SSU72: variants seen among roughly 807,000 people sequenced by gnomAD.
SSU72 encodes the protein RNA polymerase II subunit A C-terminal domain phosphatase SSU72.
Under a neutral mutation model 22.7 loss-of-function variants are expected in SSU72, and 12 were observed. That is an observed-to-expected ratio of 0.53 (90% CI 0.34 to 0.86). The LOEUF is 0.86. Ranked by LOEUF, SSU72 falls within the 40% of genes least tolerant of loss-of-function variation. SSU72 has a pLI of 0.02. For synonymous variants in SSU72, 116 were observed against 98.3 expected, an observed-to-expected ratio of 1.18 and a Z score of -1.06; for missense variants, 151 against 249.8, an observed-to-expected ratio of 0.60 and a Z score of 2.67.
chr1:1,550,197 T>C (rs1466755024), intron 2 of SSU72, among the ~76,000 whole-genome samples: 1 of 146,748 alleles, frequency 6.8e-6, no homozygotes, highest in Non-Finnish European at 1.5e-5. Context: ...AAAAAGTATA[T>C]ATATATATAT....
intron 1 of SSU72, among the ~76,000 whole-genome samples, chr1:1,567,301 G>A (rs1168402298): frequency 6.6e-6 from 1 of 152,202 alleles, no homozygotes; most frequent in Non-Finnish European, 1.5e-5. Flanking sequence ...GCTGATGACA[G>A]CTGCGTCAGT....
In SSU72 at chr1:1,564,935, G is replaced by A. The variant is rs1553132270; in HGVS notation, c.81-19C>T. The A allele has an allele frequency of 5.7e-6, 9 of 1,576,778 alleles. No individual in the cohort carries two copies. The highest frequency in any genetic ancestry group is 1.2e-5 in the South Asian group (1 of 84,658). Reference sequence around the variant, plus strand: ...CCGTTTGCTGAAAGACAAAAGGAGAGAAAGAATCACAGTCACACTAAGACA... The same window carrying A: ...CCGTTTGCTGAAAGACAAAAGGAGAAAAAGAATCACAGTCACACTAAGACA... On this transcript the variant is annotated intron_variant, in intron 1 of 4. Transcript: ENST00000291386.
intron 2 of SSU72, among the ~76,000 whole-genome samples, chr1:1,547,480 GGAGATGC>G (rs1642403794): frequency 6.6e-6 from 1 of 152,236 alleles, no homozygotes; most frequent in Non-Finnish European, 1.5e-5. Context: ...CTCCTGGCGA[GGAGATGC>G]GAGGTGAGGC....
intron 1 of SSU72, among the ~76,000 whole-genome samples, chr1:1,567,925 A>AAAAAAAAC (rs1642682054): frequency 6.6e-6 from 1 of 151,662 alleles, no homozygotes; most frequent in African/African-American, 2.4e-5. Flanking sequence ...AAAAAAAAAA[A>AAAAAAAAC]AAAATCGCAC....
intron 1 of SSU72, among the ~76,000 whole-genome samples, chr1:1,573,905 G>A (rs1245665546): frequency 1.3e-5 from 2 of 151,954 alleles, no homozygotes; most frequent in Non-Finnish European, 2.9e-5. Flanking sequence ...CGCTACGCAA[G>A]AGTCACAGGC....
chr1:1,566,519 T>C (rs764476615), intron 1 of SSU72, among the ~76,000 whole-genome samples: 6 of 152,112 alleles, frequency 3.9e-5, no homozygotes, highest in Non-Finnish European at 2.9e-5. Flanking sequence ...TGAGCAAGAA[T>C]GACACACAGA....
At chr1:1,559,026 TAG>T (rs1184130755) in intron 2 of SSU72, among the ~76,000 whole-genome samples, 3 of 151,474 alleles carry the variant, frequency 2.0e-5, no homozygotes, top group Admixed American at 2.0e-4. Context: ...TGAAAAAAAA[TAG>T]AGAAGCCTCT....
chr1:1,570,660 C>T (rs762062838), intron 1 of SSU72, among the ~76,000 whole-genome samples: 1 of 152,160 alleles, frequency 6.6e-6, no homozygotes, highest in Non-Finnish European at 1.5e-5. Flanking sequence ...AATAAGCCAT[C>T]TCGTGGCAAA....
chr1:1,546,584 C>T (rs1642391551), intron 2 of SSU72: 1 of 152,156 alleles, frequency 6.6e-6, no homozygotes, highest in Non-Finnish European at 1.5e-5. Flanking sequence ...CACCTGTCAT[C>T]CCAGCACATC....
At chr1:1,551,941 A>G (rs1012425552) in intron 2 of SSU72, among the ~76,000 whole-genome samples, 1 of 152,154 alleles carries the variant, frequency 6.6e-6, no homozygotes, top group Non-Finnish European at 1.5e-5. Context: ...GAGCACAGCA[A>G]AGTCAGCCCC....
At chr1:1,551,068 G>A (rs987324126) in intron 2 of SSU72, among the ~76,000 whole-genome samples, 3 of 152,134 alleles carry the variant, frequency 2.0e-5, no homozygotes, top group African/African-American at 7.2e-5. Context: ...TGCTTCCCCA[G>A]GCCAGCTGCA....
intron 1 of SSU72, among the ~76,000 whole-genome samples, chr1:1,572,079 G>A (rs570293026): frequency 1.3e-5 from 2 of 151,022 alleles, no homozygotes; most frequent in Admixed American, 1.3e-4. Context: ...ACAGGCGTGA[G>A]CCACCGCGCC....
At chr1:1,544,043 G>T in intron 3 of SSU72, 56 bp from the exon 4 acceptor site, 1 of 1,391,746 alleles carries the variant, frequency 7.2e-7, no homozygotes, top group Non-Finnish European at 1.0e-6. Context: ...GGAACAGGCA[G>T]TCAATGTGGC....
chr1:1,570,637 T>C (rs1274303176), intron 1 of SSU72, among the ~76,000 whole-genome samples: 1 of 152,128 alleles, frequency 6.6e-6, no homozygotes, highest in African/African-American at 2.4e-5. Context: ...AAATTATTTG[T>C]ATGAATAATG....
chr1:1,543,854 C>T lies in SSU72; in HGVS notation c.483+15G>A. ...CACAACCTCTGCCCAGCGCGGCGCC[C>T]AGCCGGGTACTTACACACTGGCAGA... On this transcript the variant is annotated intron_variant, in intron 4 of 4. Transcript: ENST00000291386. 6.2e-7 allele frequency: 1 copy of T among 1,604,646 alleles called. No individual in the cohort carries two copies. Among genetic ancestry groups the T allele is most frequent in the Non-Finnish European group, 8.5e-7 (1 of 1,172,822 alleles).
intron 1 of SSU72, among the ~76,000 whole-genome samples, chr1:1,568,576 C>T (rs371252629): frequency 2.0e-5 from 3 of 151,834 alleles, no homozygotes; most frequent in African/African-American, 4.8e-5. Context: ...ACTGCACTCC[C>T]GCCTGGGTGA....
At chr1:1,569,310 C>T (rs150878446) in intron 1 of SSU72, among the ~76,000 whole-genome samples, 11 of 152,282 alleles carry the variant, frequency 7.2e-5, no homozygotes, top group Non-Finnish European at 1.6e-4. Flanking sequence ...TGGAAACGTA[C>T]GGCGGAGTCT....
chr1:1,573,963 G>A (rs1277346775), intron 1 of SSU72, among the ~76,000 whole-genome samples: 3 of 151,250 alleles, frequency 2.0e-5, no homozygotes, highest in South Asian at 2.1e-4. Context: ...CCAAGTCCAC[G>A]TTGTATTCCA....
At position 1,571,329 on chromosome 1, in the gene SSU72, G is replaced by A. The variant is rs116043238; in HGVS notation, c.80+3149C>T. 1.9e-3 allele frequency among the ~76,000 whole-genome samples: 286 copies of A among 148,992 alleles called. 1 individual carries two copies. Among genetic ancestry groups the A allele is most frequent in the Middle Eastern group, 7.0e-3 (2 of 286 alleles). On this transcript the variant is annotated intron_variant, in intron 1 of 4. Transcript: ENST00000291386. ...GCGCCTGTAGTCCCAGCTACTCGGAGGGTTTGAAGGAGAATCGCTTCAACC... is the reference window on the plus strand; with the variant it reads ...GCGCCTGTAGTCCCAGCTACTCGGAAGGTTTGAAGGAGAATCGCTTCAACC...
Sources: allele counts gnomAD v4.1 joint callset (sites outside exome capture counted in the v4.1 genomes callset), GRCh38; gene constraint gnomAD v4.1.1; transcripts MANE v1.5; gene names NCBI Gene and HGNC (gene_info 2026-07-23, HGNC 2026-07-21).